TRAPPC8: variants seen among roughly 807,000 people sequenced by gnomAD.
TRAPPC8 encodes the protein general sporulation gene 1 homolog.
Under a neutral mutation model 174.3 loss-of-function variants are expected in TRAPPC8, and 54 were observed. The observed-to-expected ratio is 0.31, with a 90% CI of 0.25 to 0.39. The LOEUF (loss-of-function observed/expected upper bound fraction) is 0.39. Ranked by LOEUF, TRAPPC8 falls within the 10% of genes least tolerant of loss-of-function variation. TRAPPC8 has a pLI of 1.00. For missense variants in TRAPPC8, 1,531 were observed against 1,699.1 expected (o/e 0.90, Z 1.74); for synonymous variants, 630 against 579.9 (o/e 1.09, Z -1.24).
intron 27 of TRAPPC8, among the ~76,000 whole-genome samples, chr18:31,837,004 C>T (rs929346536): frequency 1.9e-4 from 29 of 151,910 alleles, no homozygotes; most frequent in Admixed American, 2.6e-4. Context: ...CCTCGTGATC[C>T]GCCCGCCTTG....
At chr18:31,899,048 T>C (rs2036299111) in intron 10 of TRAPPC8, among the ~76,000 whole-genome samples, 2 of 152,202 alleles carry the variant, frequency 1.3e-5, no homozygotes, top group Non-Finnish European at 1.5e-5. Context: ...ATAAACTTTC[T>C]ACAAATCACA....
intron 20 of TRAPPC8, among the ~76,000 whole-genome samples, chr18:31,856,972 G>A (rs2034054160): frequency 6.6e-6 from 1 of 151,860 alleles, no homozygotes; most frequent in African/African-American, 2.4e-5. Context: ...AAATGACAAT[G>A]GAGGTATCAA....
At chr18:31,867,012 A>G (rs1355574373) in intron 17 of TRAPPC8, 37 bp from the exon 18 acceptor site, 3 of 1,606,756 alleles carry the variant, frequency 1.9e-6, no homozygotes, top group Non-Finnish European at 1.7e-6. Context: ...TTATGTTTTC[A>G]TAATATCTTA....
intron 21 of TRAPPC8, 62 bp downstream of exon 21, chr18:31,855,598 T>C (rs2033958785): frequency 6.8e-7 from 1 of 1,478,884 alleles, no homozygotes; most frequent in Non-Finnish European, 9.1e-7. Context: ...AAACCACTAC[T>C]AAACACAAGG....
chr18:31,884,116 G>T (rs2035589328), intron 12 of TRAPPC8, among the ~76,000 whole-genome samples: 1 of 152,182 alleles, frequency 6.6e-6, no homozygotes, highest in African/African-American at 2.4e-5. Flanking sequence ...TTGAACCTGG[G>T]AGGCAGAGGT....
Position 31,829,698 on chromosome 18 carries a change from G to C in TRAPPC8, c.*1057C>G, listed in dbSNP as rs1354717608. On this transcript the variant is annotated 3_prime_UTR_variant, in exon 29 of 29. Transcript: ENST00000283351. ...GAACAAACCATGGTAGCTGTCAATG[G>C]CACAAGGACCCCATCTGCTCCAGAC... 2 of 152,244 alleles carry C rather than the reference G, an allele frequency of 1.3e-5. No individual in the cohort carries two copies. Among genetic ancestry groups the C allele is most frequent in the Admixed American group, 1.3e-4 (2 of 15,270 alleles). 9.4% of individuals were successfully genotyped at this position (152,244 alleles called of 1,614,324 possible). A position where few individuals can be genotyped will look rare whatever the true frequency, so the allele number is the denominator to read the frequency against.
At chr18:31,907,744 C>A in intron 8 of TRAPPC8, 134 bp from the exon 9 acceptor site, 2 of 682,884 alleles carry the variant, frequency 2.9e-6, no homozygotes, top group Non-Finnish European at 4.3e-6. Flanking sequence ...ATTCTACCTC[C>A]AACAAGAGTG....
chr18:31,839,508 A>T (rs1249358883), intron 26 of TRAPPC8, 51 bp from the exon 27 acceptor site: 8 of 1,221,150 alleles, frequency 6.6e-6, no homozygotes, highest in South Asian at 1.8e-5. Context: ...ACCTTGTTTA[A>T]AAAAAAAAAA....
chr18:31,936,483 A>G (rs549279507), intron 1 of TRAPPC8, among the ~76,000 whole-genome samples: 3 of 152,254 alleles, frequency 2.0e-5, no homozygotes, highest in East Asian at 3.9e-4. Context: ...ATAAAACAAA[A>G]TGAAAACAAA....
At chr18:31,925,493 G>GA (rs879347490) in intron 2 of TRAPPC8, among the ~76,000 whole-genome samples, 34 of 152,008 alleles carry the variant, frequency 2.2e-4, no homozygotes, top group South Asian at 4.1e-4. Flanking sequence ...GACAATTTTA[G>GA]AAAAAAAGAA....
Position 31,829,478 on chromosome 18 carries a change from A to C in TRAPPC8, c.*1277T>G, listed in dbSNP as rs995413126. On this transcript the variant is annotated 3_prime_UTR_variant, in exon 29 of 29. Coordinates refer to ENST00000283351, the MANE Select transcript of TRAPPC8 (RefSeq NM_014939.5). ...ACCTGCTAAGACACAGAGTGGAAGG[A>C]GCTGAAAAGCCAGAGACCCACTTAA... 6.6e-6 allele frequency: 1 copy of C among 152,260 alleles called. No individual in the cohort carries two copies. Among genetic ancestry groups the C allele is most frequent in the Non-Finnish European group, 1.5e-5 (1 of 68,088 alleles). 9.4% of individuals were successfully genotyped at this position (152,260 alleles called of 1,614,324 possible).
intron 25 of TRAPPC8, among the ~76,000 whole-genome samples, chr18:31,848,826 A>C (rs2033550925): frequency 6.6e-6 from 1 of 152,186 alleles, no homozygotes; most frequent in Non-Finnish European, 1.5e-5. Flanking sequence ...CATATGATAC[A>C]AAAGGGTGTA....
At chr18:31,879,491 A>C (rs1299193583) in intron 12 of TRAPPC8, among the ~76,000 whole-genome samples, 1 of 152,200 alleles carries the variant, frequency 6.6e-6, no homozygotes, top group Non-Finnish European at 1.5e-5. Flanking sequence ...TTAAGAGGAA[A>C]GTTTACAGCA....
At chr18:31,934,215 G>A (rs2037980652) in intron 1 of TRAPPC8, among the ~76,000 whole-genome samples, 1 of 151,732 alleles carries the variant, frequency 6.6e-6, no homozygotes, top group African/African-American at 2.4e-5. Flanking sequence ...CAAATTCTAT[G>A]ATAGTGGTTG....
intron 4 of TRAPPC8, among the ~76,000 whole-genome samples, chr18:31,915,304 T>C (rs1207793988): frequency 6.7e-6 from 1 of 149,520 alleles, no homozygotes; most frequent in African/African-American, 2.5e-5. Context: ...CTACTAAAAA[T>C]ACAAAAATTA....
chr18:31,883,927 A>C (rs1371890014), intron 12 of TRAPPC8, among the ~76,000 whole-genome samples: 1 of 152,160 alleles, frequency 6.6e-6, no homozygotes, highest in Non-Finnish European at 1.5e-5. Flanking sequence ...GGTGACTTAC[A>C]CCTGTAATCC....
chr18:31,851,215 G>A (rs2145051507), intron 24 of TRAPPC8, among the ~76,000 whole-genome samples: 1 of 152,246 alleles, frequency 6.6e-6, no homozygotes, highest in East Asian at 1.9e-4. Context: ...TTTCAAAGCA[G>A]GTCACTACTT....
chr18:31,849,793 AT>A (rs1390093429), intron 24 of TRAPPC8, 54 bp from the exon 25 acceptor site: 1 of 1,482,544 alleles, frequency 6.7e-7, no homozygotes, highest in East Asian at 2.4e-5. Context: ...TGTTGTCAAA[AT>A]TTATTTTGTA....
chr18:31,853,792 G>T, intron 22 of TRAPPC8, 57 bp downstream of exon 22: 1 of 1,318,946 alleles, frequency 7.6e-7, no homozygotes, highest in South Asian at 1.3e-5. Flanking sequence ...GTACTATTCT[G>T]GAAAACCAAG....
Sources: gnomAD v4.1 joint callset for allele counts (sites outside exome capture counted in the v4.1 genomes callset) on GRCh38, gnomAD v4.1.1 for gene constraint, MANE v1.5 for transcripts, NCBI Gene and HGNC (gene_info 2026-07-23, HGNC 2026-07-21) for gene names.